AARS2: variants seen among roughly 807,000 people sequenced by gnomAD.
AARS2 encodes alanine--tRNA ligase, mitochondrial.
A neutral mutation model predicts 119.7 loss-of-function variants in AARS2; 78 were observed. The observed-to-expected ratio is 0.65, with a 90% CI of 0.54 to 0.79. The LOEUF is 0.79. Ranked by LOEUF, AARS2 falls within the 30% of genes least tolerant of loss-of-function variation. The pLI is 0.00. For synonymous variants in AARS2, 502 were observed against 526.3 expected, an observed-to-expected ratio of 0.95 and a Z score of 0.63; for missense variants, 1,157 against 1,291.3, an observed-to-expected ratio of 0.90 and a Z score of 1.59.
chr6:44,300,746 G>A (rs533429230), intron 21 of AARS2, 35 bp from the exon 22 acceptor site: 1 of 1,606,340 alleles, frequency 6.2e-7, no homozygotes, highest in South Asian at 1.1e-5. Context: ...GCGATGCAGA[G>A]TGGCCCTCCC....
At position 44,305,695 on chromosome 6, in the gene AARS2, T is replaced by C. The variant is rs2153354909; in HGVS notation, c.1392A>G (p.Leu464=). ...CCAACCGCTCCAGTCCAGCGGAGTC[T>C]AGCTGGACCCCTTTCTCCTCCAGCA... The part of the protein sequence containing the change: ...ELMLEEKGVQ[L]DSAGLERLAQ... The change falls in exon 10 of 22, where the codon CTA becomes CTG. Residue 464 remains leucine (L), a synonymous_variant. Transcript: ENST00000244571. This position sits in a 1 kb window ranked among gnomAD's most constrained non-coding sequence, Gnocchi z 4.6. The C allele has an allele frequency of 1.2e-6, 2 of 1,614,132 alleles. No homozygotes were observed. Among genetic ancestry groups the C allele is most frequent in the Non-Finnish European group, 1.7e-6 (2 of 1,180,018 alleles).
At position 44,305,639 on chromosome 6, in the gene AARS2, G is replaced by A. The variant is rs537847449; in HGVS notation, c.1434+14C>T. Reference sequence around the variant, plus strand: ...GTCCTAACAGAACCCAGCATGGGGTGCCACAGCTTGTACCTGGGCCTCCTC... The same window carrying A: ...GTCCTAACAGAACCCAGCATGGGGTACCACAGCTTGTACCTGGGCCTCCTC... On this transcript the variant is annotated intron_variant, in intron 10 of 21. Transcript: ENST00000244571. The surrounding 1 kb of genome is among the most constrained non-coding windows in gnomAD (Gnocchi z 4.6). 80 of 1,613,688 alleles carry A rather than the reference G, an allele frequency of 5.0e-5. 1 individual carries two copies. In the South Asian group the frequency reaches 7.9e-4, roughly 16 times the overall value.
In AARS2 at chr6:44,311,052, C is replaced by T. The variant is rs1217348739; in HGVS notation, c.691G>A (p.Gly231Arg). The change falls in exon 4 of 22, where the codon GGG becomes AGG. Residue 231 changes from glycine (G) to arginine (R), a missense_variant. Coordinates refer to ENST00000244571, the MANE Select transcript of AARS2 (RefSeq NM_020745.4). ...TCTACCAGCTGGGGGGCTCCCACCCCACCAGCAAGGTCGTAGTGGATCTCA... is the reference window on the plus strand; with the variant it reads ...TCTACCAGCTGGGGGGCTCCCACCCTACCAGCAAGGTCGTAGTGGATCTCA... Reference protein sequence around the residue: ...CTEIHYDLAGGVGAPQLVELW... With the variant: ...CTEIHYDLAGRVGAPQLVELW... 29 of 1,614,064 alleles carry T rather than the reference C, an allele frequency of 1.8e-5. No homozygotes were observed. Among genetic ancestry groups the T allele is most frequent in the Non-Finnish European group, 2.5e-5 (29 of 1,180,042 alleles).
In AARS2 at chr6:44,298,896, G is replaced by A. The variant is rs1470400554; in HGVS notation, c.*1651C>T. On this transcript the variant is annotated 3_prime_UTR_variant, in exon 22 of 22. Coordinates refer to ENST00000244571, the MANE Select transcript of AARS2 (RefSeq NM_020745.4). ...TGGACTCATTCTGGTAGGGAAGGAG[G>A]GCTTTCCTCCATCTCTGCTTCCTCC... 2.1e-5 allele frequency among the ~76,000 whole-genome samples: 1 copy of A among 48,268 alleles called. No homozygotes were observed. The highest frequency in any genetic ancestry group is 4.1e-5 in the African/African-American group (1 of 24,246). 31.7% of individuals were successfully genotyped at this position (48,268 alleles called of 152,430 possible).
At chr6:44,308,542 CA>C (rs879544098) in intron 5 of AARS2, among the ~76,000 whole-genome samples, 126 of 136,564 alleles carry the variant, frequency 9.2e-4, no homozygotes, top group Admixed American at 7.3e-4. Flanking sequence ...GACTCTGTCT[CA>C]AAAAAAAAAA....
In AARS2 at chr6:44,303,103, C is replaced by T; in HGVS notation, c.2218G>A (p.Ala740Thr). Residue 740 changes from alanine (A) to threonine (T), a missense_variant, in exon 16 of 22, where the codon GCC (alanine) becomes ACC (threonine). Ala to Thr is a moderately conservative substitution (Grantham distance 58). Transcript: ENST00000244571. Reference sequence around the variant, plus strand: ...AGCTCCACAGAGGTCTGCAGTGCGGCTTGGGAGGCTGGGTCCAATGCATGG... The same window carrying T: ...AGCTCCACAGAGGTCTGCAGTGCGGTTTGGGAGGCTGGGTCCAATGCATGG... ...VAHALDPASQ[A>T]ALQTSVELCC... 1 of 1,614,114 alleles carries T rather than the reference C, an allele frequency of 6.2e-7. No homozygotes were observed. Among genetic ancestry groups the T allele is most frequent in the Non-Finnish European group, 8.5e-7 (1 of 1,180,042 alleles).
intron 1 of AARS2, among the ~76,000 whole-genome samples, chr6:44,312,860 C>T (rs1211610424): frequency 2.6e-5 from 4 of 152,140 alleles, no homozygotes; most frequent in Non-Finnish European, 5.9e-5. Context: ...ATTTCTGGAC[C>T]TAATACTCAA....
At position 44,307,068 on chromosome 6, in the gene AARS2, G is replaced by T. The variant is rs370980332; in HGVS notation, c.1041-37C>A. ...CAGAGCCCAGACATGAATCCCCAGC[G>T]GCTCATGGTCAGCAATATGGGGAGT... On this transcript the variant is annotated intron_variant, in intron 6 of 21. Transcript: ENST00000244571. The surrounding 1 kb of genome is among the most constrained non-coding windows in gnomAD (Gnocchi z 4.4). The T allele has an allele frequency of 1.2e-6, 2 of 1,610,082 alleles. No individual in the cohort carries two copies. The highest frequency in any genetic ancestry group is 2.2e-5 in the South Asian group (2 of 90,942).
Position 44,302,843 on chromosome 6 carries a change from T to C in AARS2, c.2323A>G (p.Thr775Ala), listed in dbSNP as rs942708896. The C allele has an allele frequency of 6.2e-7, 1 of 1,614,058 alleles. No homozygotes were observed. The highest frequency in any genetic ancestry group is 8.5e-7 in the Non-Finnish European group (1 of 1,180,022). The change falls in exon 17 of 22, where the codon ACT becomes GCT. Residue 775 changes from threonine to alanine, a missense_variant. Transcript: ENST00000244571. Reference protein sequence around the residue: ...IIGDRQLSKGTTRLLAVTGEQ... With the variant: ...IIGDRQLSKGATRLLAVTGEQ... ...CCAGTGACGGCCAGCAGGCGGGTAG[T>C]GCCCTTGGAAAGCTGGCGGTCCCCG... is the stretch of plus-strand genomic sequence containing the variant.
rs1057521008 is a variant in AARS2 at position 44,304,408 on chromosome 6, G to A, written c.1866+12C>T. On this transcript the variant is annotated intron_variant, in intron 13 of 21. Transcript: ENST00000244571. ...CTGCAGGGTATTGGGAACAGTTAGG[G>A]AGGATCCTTACCTCATCCACATGCA... 6.2e-6 allele frequency: 10 copies of A among 1,614,168 alleles called. No individual in the cohort carries two copies. Among genetic ancestry groups the A allele is most frequent in the Non-Finnish European group, 8.5e-6 (10 of 1,180,008 alleles).
At chr6:44,304,124 GTC>G (rs1447331529) in intron 14 of AARS2, 55 bp downstream of exon 14, 2 of 1,609,542 alleles carry the variant, frequency 1.2e-6, no homozygotes, top group African/African-American at 2.7e-5. Flanking sequence ...ACAGCAGGCT[GTC>G]TCTCTTTTAT....
rs576712801 is a variant in AARS2 at position 44,304,654 on chromosome 6, T to C, written c.1743A>G (p.Ala581=). 6.2e-6 allele frequency: 10 copies of C among 1,614,218 alleles called. No homozygotes were observed. In the East Asian group the frequency reaches 1.8e-4, roughly 29 times the overall value. Residue 581 remains alanine (A), a synonymous_variant, in exon 12 of 22, where the codon GCA becomes GCG. Transcript: ENST00000244571. ...TGTGATGGAGACTCACCTCTTGCCCTGCCCGCACCAGGTAGCCACGGTCTG... is the reference window on the plus strand; with the variant it reads ...TGTGATGGAGACTCACCTCTTGCCCCGCCCGCACCAGGTAGCCACGGTCTG... ...QASDRGYLVR[A]GQEDVLFPVA...
chr6:44,304,445 T>A lies in AARS2; in HGVS notation c.1841A>T (p.Asp614Val). 1 of 1,614,108 alleles carries A rather than the reference T, an allele frequency of 6.2e-7. No homozygotes were observed. The highest frequency in any genetic ancestry group is 8.5e-7 in the Non-Finnish European group (1 of 1,180,006). ...AVAPECLRLGDQVQLHVDEAW... is the reference protein window; with the variant it reads ...AVAPECLRLGVQVQLHVDEAW... ...CTCATCCACATGCAGCTGCACCTGG[T>A]CCCCTAACCGCAGGCACTCAGGGGC... Residue 614 changes from aspartate to valine, a missense_variant, in exon 13 of 22, where the codon GAC becomes GTC. Physicochemically the swap from Asp to Val is radical, Grantham distance 152. Coordinates refer to ENST00000244571, the MANE Select transcript of AARS2 (RefSeq NM_020745.4).
chr6:44,301,363 G>A lies in AARS2; in HGVS notation c.2682+18C>T, dbSNP rs549379670. On this transcript the variant is annotated intron_variant, in intron 20 of 21. Coordinates refer to ENST00000244571, the MANE Select transcript of AARS2 (RefSeq NM_020745.4). ...CCCTCCCCAGACCCTGGGGCAGCCCGGCTTGGCTAGCACTCACTGAGAGAG... is the reference window on the plus strand; with the variant it reads ...CCCTCCCCAGACCCTGGGGCAGCCCAGCTTGGCTAGCACTCACTGAGAGAG... 3.0e-5 allele frequency: 48 copies of A among 1,613,930 alleles called. No homozygotes were observed. The highest frequency in any genetic ancestry group is 3.6e-5 in the Non-Finnish European group (43 of 1,179,964).
At position 44,309,629 on chromosome 6, in the gene AARS2, CCT is replaced by C. The variant is rs1223714469; in HGVS notation, c.894+668_894+669del. On this transcript the variant is annotated intron_variant, in intron 5 of 21. Transcript: ENST00000244571. The stretch of plus-strand genomic sequence containing the variant: ...GGAGCTTGATTCACCTAGCTCCAAA[CCT>C]CTCTCTTCCCCAAGCTTCTTCATCT... Among the ~76,000 whole-genome samples, 5 of 152,156 alleles carry C rather than the reference CCT, an allele frequency of 3.3e-5. No individual in the cohort carries two copies. The South Asian group carries it at 6.2e-4, about 19-fold the overall frequency.
chr6:44,307,561 C>A lies in AARS2; in HGVS notation c.895-167G>T. 2 of 831,794 alleles carry A rather than the reference C, an allele frequency of 2.4e-6. No individual in the cohort carries two copies. The highest frequency in any genetic ancestry group is 3.7e-6 in the Non-Finnish European group (2 of 533,886). The allele number at this position is 831,794 out of a possible 1,614,324, so 51.5% of individuals were successfully genotyped here. A position where few individuals can be genotyped will look rare whatever the true frequency, so the allele number is the denominator to read the frequency against. On this transcript the variant is annotated intron_variant, in intron 5 of 21. Transcript: ENST00000244571. The surrounding 1 kb of genome is among the most constrained non-coding windows in gnomAD (Gnocchi z 4.4). ...GCCTCACAGATGAGCACAAGCCAGG[C>A]CCTGCCCTCACGGGGCTCATATTTG...
At chr6:44,303,873 G>A (rs992706924) in intron 14 of AARS2, among the ~76,000 whole-genome samples, 6 of 152,182 alleles carry the variant, frequency 3.9e-5, no homozygotes, top group Non-Finnish European at 8.8e-5. Flanking sequence ...GCCCAGTTTA[G>A]GCAAGAATGG....
At position 44,307,176 on chromosome 6, in the gene AARS2, T is replaced by A; in HGVS notation, c.1040+73A>T. On this transcript the variant is annotated intron_variant, in intron 6 of 21. Transcript: ENST00000244571. The surrounding 1 kb of genome is among the most constrained non-coding windows in gnomAD (Gnocchi z 4.4). ...TCCTACTGGCTCAACCAGACCCACC[T>A]CTCCTGTTCCCTCCCTCCTCCACCT... is the stretch of plus-strand genomic sequence containing the variant. 1 of 1,608,156 alleles carries A rather than the reference T, an allele frequency of 6.2e-7. No homozygotes were observed. Among genetic ancestry groups the A allele is most frequent in the Non-Finnish European group, 8.5e-7 (1 of 1,176,980 alleles).
At position 44,301,434 on chromosome 6, in the gene AARS2, G is replaced by GC; in HGVS notation, c.2628dup (p.Arg877AlafsTer15). 6.2e-7 allele frequency: 1 copy of GC among 1,613,674 alleles called. No homozygotes were observed. The highest frequency in any genetic ancestry group is 1.7e-5 in the Admixed American group (1 of 60,002). On this transcript the variant is annotated frameshift_variant, in exon 20 of 22. Transcript: ENST00000244571. LOFTEE classifies it high-confidence loss of function. Reference sequence around the variant, plus strand: ...ACAATCAGAGGCCCCTTCGAGTGCCGCTCCAGCAGCTCCTGAGTTTTCTTT... The same window carrying GC: ...ACAATCAGAGGCCCCTTCGAGTGCCGCCTCCAGCAGCTCCTGAGTTTTCTTT...
Sources: gnomAD v4.1 joint callset for allele counts (sites outside exome capture counted in the v4.1 genomes callset) on GRCh38, gnomAD v4.1.1 for gene constraint, Gnocchi (gnomAD v3.1) non-coding constraint, MANE v1.5 for transcripts, NCBI Gene and HGNC (gene_info 2026-07-23, HGNC 2026-07-21) for gene names.